The following PDE8B variants were observed in gnomAD, a reference collection of about 807,000 sequenced individuals.
The protein encoded by PDE8B is high affinity cAMP-specific and IBMX-insensitive 3',5'-cyclic phosphodiesterase 8B.
PDE8B carries 26 observed loss-of-function variants against 101.3 expected under a neutral mutation model. The observed-to-expected ratio is 0.26, with a 90% CI of 0.19 to 0.36. The LOEUF (loss-of-function observed/expected upper bound fraction) is 0.36, where lower values mean the gene tolerates loss of function less well. Among genes scored for constraint, PDE8B ranks in the 10% least tolerant of loss-of-function variants. The pLI, the probability that PDE8B is intolerant of heterozygous loss-of-function variation, is 1.00. For synonymous variants in PDE8B, 424 were observed against 429.3 expected (o/e 0.99, Z 0.15); for missense variants, 810 against 1,163.1 (o/e 0.70, Z 4.42).
chr5:77,129,200 A>G, the PDE8B span, among the ~76,000 whole-genome samples: 2 of 152,250 alleles, frequency 1.3e-5, no homozygotes, highest in African/African-American at 2.4e-5. Context: ...AAAGGAGGAC[A>G]GATGTGATTA....
At chr5:77,189,853 A>G in the PDE8B span, among the ~76,000 whole-genome samples, 1 of 152,328 alleles carries the variant, frequency 6.6e-6, no homozygotes, top group East Asian at 1.9e-4. Context: ...AGGTGAAGCT[A>G]GGAGACCATC....
intron 7 of PDE8B, among the ~76,000 whole-genome samples, chr5:77,348,234 G>A (rs1275632966): frequency 6.6e-6 from 1 of 152,144 alleles, no homozygotes; most frequent in Non-Finnish European, 1.5e-5. Context: ...AGCAGCAGAT[G>A]GATGCAATTT....
intron 12 of PDE8B, among the ~76,000 whole-genome samples, chr5:77,405,999 G>T (rs1366684831): frequency 6.6e-6 from 1 of 152,160 alleles, no homozygotes; most frequent in South Asian, 2.1e-4. Flanking sequence ...GAAAGTGGCT[G>T]ACATAGGCCA....
the PDE8B span, among the ~76,000 whole-genome samples, chr5:77,176,904 C>T: frequency 7.6e-4 from 115 of 152,088 alleles, no homozygotes; most frequent in Admixed American, 1.2e-3. Context: ...CTTCACTATG[C>T]GATTTTAGAT....
At chr5:77,150,368 T>A in the PDE8B span, among the ~76,000 whole-genome samples, 1 of 152,198 alleles carries the variant, frequency 6.6e-6, no homozygotes. Flanking sequence ...GAGTTCCCAA[T>A]GGAATTGAAT....
intron 1 of PDE8B, among the ~76,000 whole-genome samples, chr5:77,222,298 A>G (rs1751285250): frequency 6.6e-6 from 1 of 152,046 alleles, no homozygotes; most frequent in African/African-American, 2.4e-5. Context: ...CCTTATACTA[A>G]GGCGCTACTC....
At chr5:77,312,248 T>C (rs1190887169) in intron 2 of PDE8B, among the ~76,000 whole-genome samples, 195 bp downstream of exon 2, 2 of 151,604 alleles carry the variant, frequency 1.3e-5, no homozygotes, top group Middle Eastern at 3.4e-3. Context: ...GGATTACAGG[T>C]GTGCGCCACC....
At chr5:77,180,282 G>A in the PDE8B span, among the ~76,000 whole-genome samples, 2 of 152,358 alleles carry the variant, frequency 1.3e-5, no homozygotes, top group African/African-American at 4.8e-5. Context: ...AAGTGAAGGC[G>A]CGGAGGCTCA....
chr5:77,265,258 T>TAAATACCTGA (rs1239724899), intron 1 of PDE8B, among the ~76,000 whole-genome samples: 1 of 152,218 alleles, frequency 6.6e-6, no homozygotes, highest in Non-Finnish European at 1.5e-5. Context: ...GTTGGCACAA[T>TAAATACCTGA]AAATACCTGC....
At chr5:77,212,742 GCT>G (rs1280750193) in intron 1 of PDE8B, among the ~76,000 whole-genome samples, 1 of 151,806 alleles carries the variant, frequency 6.6e-6, no homozygotes, top group Admixed American at 6.6e-5. Flanking sequence ...CTTTTGTCAA[GCT>G]CTCTCTCTCT....
chr5:77,234,935 G>T (rs1754365863), intron 1 of PDE8B, among the ~76,000 whole-genome samples: 1 of 152,210 alleles, frequency 6.6e-6, no homozygotes. Context: ...AGTGCTCAAT[G>T]TAATGCCTGA....
chr5:77,343,994 C>T (rs1419295191), intron 6 of PDE8B, among the ~76,000 whole-genome samples: 1 of 151,906 alleles, frequency 6.6e-6, no homozygotes, highest in Non-Finnish European at 1.5e-5. Flanking sequence ...ACATCTTGTC[C>T]CACTGGAAGG....
intron 1 of PDE8B, among the ~76,000 whole-genome samples, chr5:77,222,123 C>G (rs1350148553): frequency 6.6e-6 from 1 of 152,172 alleles, no homozygotes; most frequent in Non-Finnish European, 1.5e-5. Flanking sequence ...CTGACTCCAG[C>G]TTGAATTCCA....
intron 1 of PDE8B, among the ~76,000 whole-genome samples, chr5:77,226,994 C>A (rs907659962): frequency 6.6e-6 from 1 of 152,130 alleles, no homozygotes; most frequent in African/African-American, 2.4e-5. Context: ...AAGTCCTATG[C>A]GTTTACACTG....
intron 4 of PDE8B, 106 bp from the exon 5 acceptor site, chr5:77,331,296 C>G: frequency 9.9e-7 from 1 of 1,006,530 alleles, no homozygotes; most frequent in Non-Finnish European, 1.6e-6. Flanking sequence ...CAGGAAGCCA[C>G]TCTTGGAGCT....
the PDE8B span, chr5:77,139,113 C>G: frequency 6.6e-6 from 1 of 152,212 alleles, no homozygotes; most frequent in African/African-American, 2.4e-5. Flanking sequence ...ACGCTATACC[C>G]CAGCACATTA....
intron 1 of PDE8B, among the ~76,000 whole-genome samples, chr5:77,260,758 T>C (rs1760415803): frequency 6.6e-6 from 1 of 151,912 alleles, no homozygotes; most frequent in African/African-American, 2.4e-5. Context: ...CAGCTAATTT[T>C]TGTATTTTTA....
chr5:77,131,808 AC>A, the PDE8B span, among the ~76,000 whole-genome samples: 1 of 152,194 alleles, frequency 6.6e-6, no homozygotes, highest in Non-Finnish European at 1.5e-5. Flanking sequence ...ACAAAATTAT[AC>A]AACCATGTAA....
intron 1 of PDE8B, among the ~76,000 whole-genome samples, chr5:77,254,496 G>A (rs192317506): frequency 2.6e-5 from 4 of 152,106 alleles, no homozygotes; most frequent in Non-Finnish European, 4.4e-5. Flanking sequence ...TCATTGTGTC[G>A]TTACCAAGCT....
Sources: gnomAD v4.1 joint callset for allele counts (sites outside exome capture counted in the v4.1 genomes callset) on GRCh38, gnomAD v4.1.1 for gene constraint, MANE v1.5 for transcripts, NCBI Gene and HGNC (gene_info 2026-07-23, HGNC 2026-07-21) for gene names.